GNA13: variants seen among roughly 807,000 people sequenced by gnomAD.
GNA13 encodes the protein guanine nucleotide-binding protein subunit alpha-13.
A neutral mutation model predicts 33.5 loss-of-function variants in GNA13; 4 were observed. The observed-to-expected ratio is 0.12, with a 90% CI of 0.06 to 0.27. The LOEUF is 0.27. Ranked by LOEUF, GNA13 falls within the 10% of genes least tolerant of loss-of-function variation. The probability of loss-of-function intolerance (pLI) is 1.00; values close to 1 mark genes in which losing one functional copy is unlikely to be tolerated. For missense variants in GNA13, 319 were observed against 487.2 expected (o/e 0.65, Z 3.25); for synonymous variants, 176 against 183.8 (o/e 0.96, Z 0.34).
At position 65,014,775 on chromosome 17, in the gene GNA13, T is replaced by C; in HGVS notation, c.616A>G (p.Ile206Val). ...TTTATTTCAAAGTCGTATTCATGGA[T>C]GCCTTTGGTGGGTCTTCTGGCAAGC... ...ILLARRPTKG[I>V]HEYDFEIKNV... is the part of the protein sequence containing the mutation. Residue 206 changes from isoleucine to valine, a missense_variant, in exon 4 of 4, where the codon ATC (isoleucine) becomes GTC (valine). Coordinates refer to ENST00000439174, the MANE Select transcript of GNA13 (RefSeq NM_006572.6). This position sits in a 1 kb window ranked among gnomAD's most constrained non-coding sequence, Gnocchi z 5.3. 1 of 1,613,684 alleles carries C rather than the reference T, an allele frequency of 6.2e-7. No individual in the cohort carries two copies. Among genetic ancestry groups the C allele is most frequent in the Non-Finnish European group, 8.5e-7 (1 of 1,179,552 alleles).
At chr17:65,051,752 G>A (rs1418177803) in intron 2 of GNA13, among the ~76,000 whole-genome samples, 1 of 152,186 alleles carries the variant, frequency 6.6e-6, no homozygotes, top group East Asian at 1.9e-4. Context: ...CTGGGAATTG[G>A]ATGGAGGTCA....
At chr17:65,035,390 G>A (rs1390505874) in intron 2 of GNA13, among the ~76,000 whole-genome samples, 2 of 152,056 alleles carry the variant, frequency 1.3e-5, no homozygotes, top group Non-Finnish European at 2.9e-5. Context: ...ATATAAAGTT[G>A]TACAGAAAGT....
chr17:65,029,558 A>T (rs1452669137), intron 2 of GNA13, among the ~76,000 whole-genome samples: 1 of 151,866 alleles, frequency 6.6e-6, no homozygotes, highest in African/African-American at 2.4e-5. Context: ...TTTTTCCCCT[A>T]CCTCCACTGC....
chr17:65,016,270 T>C (rs1185015933), intron 3 of GNA13, among the ~76,000 whole-genome samples: 1 of 152,228 alleles, frequency 6.6e-6, no homozygotes. Flanking sequence ...ATGCTGCACT[T>C]TATGCCTTTC....
At chr17:65,054,225 A>G (rs192797437) in intron 1 of GNA13, among the ~76,000 whole-genome samples, 1 of 152,342 alleles carries the variant, frequency 6.6e-6, no homozygotes, top group African/African-American at 2.4e-5. Context: ...TTCTAGCAAC[A>G]CATTCAAAAT....
chr17:65,048,316 T>G (rs1215379033), intron 2 of GNA13, among the ~76,000 whole-genome samples: 1 of 151,506 alleles, frequency 6.6e-6, no homozygotes, highest in African/African-American at 2.5e-5. Flanking sequence ...AGCCAACCCC[T>G]GACTCCCATC....
chr17:65,038,990 G>A (rs921243515), intron 2 of GNA13, among the ~76,000 whole-genome samples: 1 of 152,086 alleles, frequency 6.6e-6, no homozygotes, highest in East Asian at 1.9e-4. Context: ...TAAAAAAATC[G>A]TTAAGTCAAA....
Position 65,011,595 on chromosome 17 carries a change from C to A in GNA13, c.*2662G>T. The A allele has an allele frequency of 4.6e-6, 1 of 215,146 alleles. No individual in the cohort carries two copies. The highest frequency in any genetic ancestry group is 7.0e-5 in the East Asian group (1 of 14,306). The allele number at this position is 215,146 out of a possible 1,614,324, so 13.3% of individuals were successfully genotyped here. On this transcript the variant is annotated 3_prime_UTR_variant, in exon 4 of 4. Transcript: ENST00000439174. Reference sequence around the variant, plus strand: ...TAAGGCAACTGTATATACATTTCTTCAAGGTCAATGAAGACACTTGTGTGA... The same window carrying A: ...TAAGGCAACTGTATATACATTTCTTAAAGGTCAATGAAGACACTTGTGTGA...
intron 2 of GNA13, among the ~76,000 whole-genome samples, chr17:65,047,661 C>CT (rs34243706): frequency 0.76 from 111,602 of 147,328 alleles, 45,572 homozygotes; most frequent in East Asian, 0.93. Flanking sequence ...GACTCTGATT[C>CT]TTTTTTTTTT....
chr17:65,046,447 C>A (rs867385010), intron 2 of GNA13, among the ~76,000 whole-genome samples: 1 of 152,070 alleles, frequency 6.6e-6, no homozygotes, highest in African/African-American at 2.4e-5. Flanking sequence ...CGTGCCACTG[C>A]GCTTGGCTAA....
chr17:65,045,950 GTTT>G (rs959869265), intron 2 of GNA13, among the ~76,000 whole-genome samples: 1 of 152,190 alleles, frequency 6.6e-6, no homozygotes, highest in Non-Finnish European at 1.5e-5. Context: ...TAGTAAAATG[GTTT>G]GGTGGCCAGA....
rs1264820368 is a variant in GNA13 at position 65,056,438 on chromosome 17, C to G, written c.156G>C (p.Leu52=). 1 of 1,613,788 alleles carries G rather than the reference C, an allele frequency of 6.2e-7. No individual in the cohort carries two copies. The highest frequency in any genetic ancestry group is 8.5e-7 in the Non-Finnish European group (1 of 1,179,876). ...TGCCGCTCTCGCCCGCGCCCAGCAG[C>G]AGGATCTTCACCAGCCGCTTCACAT... ...KTYVKRLVKI[L]LLGAGESGKS... The change falls in exon 1 of 4, where the codon CTG becomes CTC. Residue 52 remains leucine, a synonymous_variant. Transcript: ENST00000439174.
At chr17:65,024,562 T>C (rs1480696587) in intron 2 of GNA13, among the ~76,000 whole-genome samples, 1 of 152,212 alleles carries the variant, frequency 6.6e-6, no homozygotes, top group East Asian at 1.9e-4. Context: ...TAAAATATTA[T>C]ACTATCTGAC....
At chr17:65,040,515 G>GT (rs950450446) in intron 2 of GNA13, among the ~76,000 whole-genome samples, 22 of 151,772 alleles carry the variant, frequency 1.4e-4, no homozygotes, top group Admixed American at 3.9e-4. Context: ...TTTAGGTTTT[G>GT]TTTTTTTTGA....
chr17:65,056,498 C>G lies in GNA13; in HGVS notation c.96G>C (p.Lys32Asn), dbSNP rs367977246. 6.2e-7 allele frequency: 1 copy of G among 1,613,734 alleles called. No individual in the cohort carries two copies. The highest frequency in any genetic ancestry group is 8.5e-7 in the Non-Finnish European group (1 of 1,179,896). Residue 32 changes from lysine to asparagine, a missense_variant, in exon 1 of 4, where the codon AAG becomes AAC. Lys to Asn is a moderately conservative substitution (Grantham distance 94, BLOSUM62 0). Around this residue, in one of 4 missense-constraint regions of GNA13, gnomAD observed 47 missense variants for 64.7 expected, o/e 0.73. Coordinates refer to ENST00000439174, the MANE Select transcript of GNA13 (RefSeq NM_006572.6). ...SGEAEQQRKS[K>N]EIDKCLSREK... ...CCCGAGACAGGCATTTGTCGATCTC[C>G]TTGGACTTGCGTTGCTGCTCGGCCT...
In GNA13 at chr17:65,014,431, T is replaced by C. The variant is rs1906292689; in HGVS notation, c.960A>G (p.Arg320=). Residue 320 remains arginine, a synonymous_variant, in exon 4 of 4, where the codon AGA becomes AGG. Coordinates refer to ENST00000439174, the MANE Select transcript of GNA13 (RefSeq NM_006572.6). The surrounding 1 kb of genome is among the most constrained non-coding windows in gnomAD (Gnocchi z 5.3). ...ATTCCACCAGGAATTTTTGGACGTCTCTTAAGCAGTGGGGATCCCCTTCAA... is the reference window on the plus strand; with the variant it reads ...ATTCCACCAGGAATTTTTGGACGTCCCTTAAGCAGTGGGGATCCCCTTCAA... ...LEFEGDPHCL[R]DVQKFLVECF... The C allele has an allele frequency of 6.2e-7, 1 of 1,614,126 alleles. No individual in the cohort carries two copies.
At position 65,012,669 on chromosome 17, in the gene GNA13, A is replaced by G; in HGVS notation, c.*1588T>C. 4.3e-6 allele frequency: 1 copy of G among 230,244 alleles called. No homozygotes were observed. The highest frequency in any genetic ancestry group is 6.2e-5 in the East Asian group (1 of 16,218). 14.3% of individuals were successfully genotyped at this position (230,244 alleles called of 1,614,324 possible). On this transcript the variant is annotated 3_prime_UTR_variant, in exon 4 of 4. Coordinates refer to ENST00000439174, the MANE Select transcript of GNA13 (RefSeq NM_006572.6). The stretch of plus-strand genomic sequence containing the variant: ...AGCCCCACTCTCGTATCAGACAGCA[A>G]GACAGAACAACAGCCACTGACTTGG...
rs905203066 is a variant in GNA13 at position 65,013,027 on chromosome 17, C to T, written c.*1230G>A. ...AGGTCAATGTAATCATCTTTAGGTGCGAACTAAAAAAATTACTACTGATCC... is the reference window on the plus strand; with the variant it reads ...AGGTCAATGTAATCATCTTTAGGTGTGAACTAAAAAAATTACTACTGATCC... On this transcript the variant is annotated 3_prime_UTR_variant, in exon 4 of 4. Coordinates refer to ENST00000439174, the MANE Select transcript of GNA13 (RefSeq NM_006572.6). The T allele has an allele frequency of 7.9e-5, 17 of 214,316 alleles. No individual in the cohort carries two copies. Among genetic ancestry groups the T allele is most frequent in the Non-Finnish European group, 9.4e-5 (10 of 106,166 alleles). 13.3% of individuals were successfully genotyped at this position (214,316 alleles called of 1,614,324 possible).
At chr17:65,025,006 C>T (rs1906720442) in intron 2 of GNA13, among the ~76,000 whole-genome samples, 1 of 152,154 alleles carries the variant, frequency 6.6e-6, no homozygotes, top group South Asian at 2.1e-4. Context: ...AGGTGATTCT[C>T]CCACTTCAGC....
Sources: allele counts gnomAD v4.1 joint callset (sites outside exome capture counted in the v4.1 genomes callset), GRCh38; gene constraint gnomAD v4.1.1; regional missense constraint gnomAD v4.1.1; non-coding constraint Gnocchi (gnomAD v3.1); transcripts MANE v1.5; gene names NCBI Gene and HGNC (gene_info 2026-07-23, HGNC 2026-07-21).